SH2D3C: variants seen among roughly 807,000 people sequenced by gnomAD.
SH2D3C encodes the protein SH2 domain containing 3C.
A neutral mutation model predicts 75.2 loss-of-function variants in SH2D3C; 25 were observed. The observed-to-expected ratio is 0.33, with a 90% CI of 0.24 to 0.46. SH2D3C has a LOEUF of 0.46. Among genes scored for constraint, SH2D3C ranks in the 20% least tolerant of loss-of-function variants. SH2D3C has a pLI of 1.00. For synonymous variants in SH2D3C, 450 were observed against 473.7 expected, an observed-to-expected ratio of 0.95 and a Z score of 0.65; for missense variants, 933 against 1,165.3, an observed-to-expected ratio of 0.80 and a Z score of 2.90.
At chr9:127,763,447 G>T (rs1480963234) in intron 2 of SH2D3C, among the ~76,000 whole-genome samples, 1 of 152,166 alleles carries the variant, frequency 6.6e-6, no homozygotes, top group East Asian at 1.9e-4. Flanking sequence ...GCCGGGCGTG[G>T]CAGTGAACGC....
chr9:127,771,160 T>A (rs1418930403), intron 2 of SH2D3C: 1 of 1,512,046 alleles, frequency 6.6e-7, no homozygotes, highest in South Asian at 1.2e-5. Flanking sequence ...CCGCTGGCCC[T>A]CCCCAGGCCC....
intron 2 of SH2D3C, chr9:127,771,192 G>T: frequency 6.5e-7 from 1 of 1,543,602 alleles, no homozygotes; most frequent in East Asian, 2.5e-5. Flanking sequence ...TCACCCTCGG[G>T]ACCCCAGCGC....
chr9:127,738,918 A>C lies in SH2D3C; in HGVS notation c.2411T>G (p.Phe804Cys). Residue 804 changes from phenylalanine (F) to cysteine (C), a missense_variant, in exon 12 of 12, where the codon TTC (phenylalanine) becomes TGC (cysteine). By Grantham distance (205) the Phe-to-Cys change is radical (BLOSUM62 -2). Coordinates refer to ENST00000314830, the MANE Select transcript of SH2D3C (RefSeq NM_170600.3). The surrounding 1 kb of genome is among the most constrained non-coding windows in gnomAD (Gnocchi z 5.0). ...CTCCAGGAGCTCCGGCCGGGCCTGG[A>C]ACCCTGCAGTGTTGGGGCATAGGGT... ...HTNAEVKLQGFQARPELLEVF... is the reference protein window; with the variant it reads ...HTNAEVKLQGCQARPELLEVF... 6.3e-7 allele frequency: 1 copy of C among 1,575,340 alleles called. No homozygotes were observed. The highest frequency in any genetic ancestry group is 8.6e-7 in the Non-Finnish European group (1 of 1,159,472).
At chr9:127,758,377 A>T (rs1188806782) in intron 3 of SH2D3C, among the ~76,000 whole-genome samples, 1 of 117,548 alleles carries the variant, frequency 8.5e-6, no homozygotes, top group Non-Finnish European at 1.7e-5. Context: ...TTACAATGTT[A>T]AAAAAAAAAA....
chr9:127,746,255 G>A (rs1245385932), intron 6 of SH2D3C, among the ~76,000 whole-genome samples: 1 of 152,224 alleles, frequency 6.6e-6, no homozygotes, highest in Non-Finnish European at 1.5e-5. Context: ...AACCGATACA[G>A]ACAGCAACAC....
At chr9:127,765,075 A>G (rs1477006884) in intron 2 of SH2D3C, among the ~76,000 whole-genome samples, 2 of 151,180 alleles carry the variant, frequency 1.3e-5, no homozygotes, top group Non-Finnish European at 2.9e-5. Context: ...CAGTGGTGAG[A>G]TCATGGCCAC....
chr9:127,771,255 AC>A lies in SH2D3C; in HGVS notation c.515+2734del, dbSNP rs1426687554. On this transcript the variant is annotated intron_variant, in intron 2 of 11. Transcript: ENST00000314830. The stretch of plus-strand genomic sequence containing the variant: ...GCTTCCCCCGCTGTCGCCGCCGGCA[AC>A]CCGGGGACCTCCTAAACCCAGCGGC... 3 of 1,540,948 alleles carry A rather than the reference AC, an allele frequency of 1.9e-6. No homozygotes were observed. In the African/African-American group the frequency reaches 4.1e-5, roughly 21 times the overall value.
At chr9:127,746,371 ATTTTT>A (rs1588496768) in intron 6 of SH2D3C, among the ~76,000 whole-genome samples, 1 of 151,790 alleles carries the variant, frequency 6.6e-6, no homozygotes, top group Non-Finnish European at 1.5e-5. Flanking sequence ...CATTCTTTTT[ATTTTT>A]TTTCCAGAAA....
At chr9:127,756,776 G>A (rs113719677) in intron 3 of SH2D3C, among the ~76,000 whole-genome samples, 9,156 of 151,498 alleles carry the variant, frequency 0.06, 603 homozygotes, top group African/African-American at 0.16. Context: ...TCTCCGAGTA[G>A]CTGGGACTAC....
intron 3 of SH2D3C, among the ~76,000 whole-genome samples, chr9:127,755,475 T>C (rs1158195148): frequency 1.3e-5 from 2 of 151,756 alleles, no homozygotes; most frequent in Non-Finnish European, 2.9e-5. Flanking sequence ...CCAAGGAGGG[T>C]ATTACCGGGG....
At chr9:127,742,630 G>T (rs1176368777) in intron 8 of SH2D3C, 1 of 505,550 alleles carries the variant, frequency 2.0e-6, no homozygotes, top group Non-Finnish European at 3.5e-6. Flanking sequence ...AAGGGGATGC[G>T]AAAGGAAGGC....
intron 1 of SH2D3C, among the ~76,000 whole-genome samples, chr9:127,776,884 T>TGGCCGCTCTGCTGCATGC (rs1829017790): frequency 6.6e-6 from 1 of 152,180 alleles, no homozygotes; most frequent in African/African-American, 2.4e-5. Context: ...TCGGCAAATG[T>TGGCCGCTCTGCTGCATGC]GGCCGCTCTG....
chr9:127,769,327 T>A (rs987678245), intron 2 of SH2D3C, among the ~76,000 whole-genome samples: 1 of 152,142 alleles, frequency 6.6e-6, no homozygotes, highest in Non-Finnish European at 1.5e-5. Flanking sequence ...CAGAGAGTCA[T>A]GGGAAGTCAT....
chr9:127,768,426 A>G (rs1391309346), intron 2 of SH2D3C, among the ~76,000 whole-genome samples: 2 of 151,908 alleles, frequency 1.3e-5, no homozygotes, highest in African/African-American at 4.8e-5. Flanking sequence ...GAGTGAGGGT[A>G]GGGGCTTGGA....
In SH2D3C at chr9:127,751,645, G is replaced by A. The variant is rs912580249; in HGVS notation, c.556-345C>T. ...GTCAGCACCACAGCGCTGGACAGCG[G>A]CAAAGAGCCGGGTGGCTTTTACAAG... On this transcript the variant is annotated intron_variant, in intron 3 of 11. Transcript: ENST00000314830. This position sits in a 1 kb window ranked among gnomAD's most constrained non-coding sequence, Gnocchi z 4.1. Among the ~76,000 whole-genome samples the A allele has an allele frequency of 3.3e-5, 5 of 152,252 alleles. No individual in the cohort carries two copies. Among genetic ancestry groups the A allele is most frequent in the African/African-American group, 1.2e-4 (5 of 41,468 alleles).
In SH2D3C at chr9:127,744,985, T is replaced by G. The variant is rs777690834; in HGVS notation, c.1379A>C (p.His460Pro). 5.9e-6 allele frequency: 9 copies of G among 1,531,018 alleles called. No individual in the cohort carries two copies. In the African/African-American group the frequency reaches 8.3e-5, roughly 14 times the overall value. The allele number at this position is 1,531,018 out of a possible 1,614,324, so 94.8% of individuals were successfully genotyped here. The change falls in exon 7 of 12, where the codon CAT (histidine) becomes CCT (proline). Residue 460 changes from histidine (H) to proline (P), a missense_variant. By Grantham distance (77) the His-to-Pro change is moderately conservative. Coordinates refer to ENST00000314830, the MANE Select transcript of SH2D3C (RefSeq NM_170600.3). ...GTGGGGGCCCTTGTCTGACTCCCCA[T>G]GGGTCTTTGGGGCACTTCCGGGACA... ...QLCPGSAPKT[H>P]GESDKGPHTS...
intron 3 of SH2D3C, among the ~76,000 whole-genome samples, chr9:127,756,233 C>T (rs1170854146): frequency 1.3e-5 from 2 of 152,162 alleles, no homozygotes; most frequent in African/African-American, 2.4e-5. Context: ...ACCCAGGAGG[C>T]GGAGGTTGCA....
In SH2D3C at chr9:127,742,905, G is replaced by T. The variant is rs746408761; in HGVS notation, c.1860C>A (p.Gly620=). 1.2e-5 allele frequency: 19 copies of T among 1,613,924 alleles called. No individual in the cohort carries two copies. Among genetic ancestry groups the T allele is most frequent in the Non-Finnish European group, 1.6e-5 (19 of 1,179,974 alleles). The change falls in exon 8 of 12, where the codon GGC becomes GGA. Residue 620 remains glycine (G), a synonymous_variant. Transcript: ENST00000314830. ...EMQTLMGVRW[G]MELLTLPHGR... Reference sequence around the variant, plus strand: ...CATGGGGGAGGGTGAGCAGTTCCATGCCCCAGCGGACTCCCATTAGGGTCT... The same window carrying T: ...CATGGGGGAGGGTGAGCAGTTCCATTCCCCAGCGGACTCCCATTAGGGTCT...
Position 127,742,025 on chromosome 9 carries a change from C to A in SH2D3C, c.1917-66G>T, listed in dbSNP as rs568101550. The A allele has an allele frequency of 4.2e-5, 62 of 1,475,244 alleles. No homozygotes were observed. In the African/African-American group the frequency reaches 7.7e-4, roughly 18 times the overall value. The allele number at this position is 1,475,244 out of a possible 1,614,324, so 91.4% of individuals were successfully genotyped here. On this transcript the variant is annotated intron_variant, in intron 8 of 11. Transcript: ENST00000314830. ...AGGGGTGAGGGGTGCGGGCCTGGGG[C>A]GCTGCCTGTGGTTGGGCCGGGAGAG... is the stretch of plus-strand genomic sequence containing the variant.
Sources: allele counts gnomAD v4.1 joint callset (sites outside exome capture counted in the v4.1 genomes callset), GRCh38; gene constraint gnomAD v4.1.1; non-coding constraint Gnocchi (gnomAD v3.1); transcripts MANE v1.5; gene names NCBI Gene and HGNC (gene_info 2026-07-23, HGNC 2026-07-21).